Variants in P2RX4 observed in about 807,000 individuals in gnomAD.
P2RX4 encodes purinergic receptor P2X 4, also known as P2X purinoceptor 4.
P2RX4 carries 37 observed loss-of-function variants against 48.0 expected under a neutral mutation model. That is an observed-to-expected ratio of 0.77 (90% CI 0.59 to 1.01). P2RX4 has a LOEUF of 1.01. P2RX4 is among the 50% of genes least tolerant of loss of function. P2RX4 has a pLI of 0.00. For missense variants in P2RX4, 501 were observed against 521.4 expected, an observed-to-expected ratio of 0.96 and a Z score of 0.38; for synonymous variants, 200 against 199.7, an observed-to-expected ratio of 1.00 and a Z score of -0.01.
At chr12:121,212,814 A>ATTT (rs1187859501) in intron 1 of P2RX4, 1 of 31,472 alleles carries the variant, frequency 3.2e-5, no homozygotes, top group Non-Finnish European at 5.9e-5. Context: ...ATATATATAT[A>ATTT]TATATATATA....
chr12:121,233,461 C>T lies in P2RX4; in HGVS notation c.1141-62C>T, dbSNP rs1593230504. 13 of 1,559,414 alleles carry T rather than the reference C, an allele frequency of 8.3e-6. 1 individual carries two copies. In the South Asian group the frequency reaches 1.4e-4, roughly 17 times the overall value. ...GCGGTGAAGTCCCAGGAGCGCACCTCCCTCCCGCCTGCCACAAGGGGTCCC... is the reference window on the plus strand; with the variant it reads ...GCGGTGAAGTCCCAGGAGCGCACCTTCCTCCCGCCTGCCACAAGGGGTCCC... On this transcript the variant is annotated intron_variant, in intron 11 of 11. Transcript: ENST00000337233.
chr12:121,212,825 T>TATATATATATATATATA (rs1555234768), intron 1 of P2RX4: 8 of 31,140 alleles, frequency 2.6e-4, no homozygotes, highest in East Asian at 7.2e-4. Context: ...TATATATATA[T>TATATATATATATATATA]TTTTTTTTTT....
Position 121,232,626 on chromosome 12 carries a change from A to G in P2RX4, c.994A>G (p.Ile332Val), listed in dbSNP as rs756894942. 3.7e-6 allele frequency: 6 copies of G among 1,614,010 alleles called. No individual in the cohort carries two copies. The highest frequency in any genetic ancestry group is 1.3e-5 in the African/African-American group (1 of 75,024). Residue 332 changes from isoleucine to valine, a missense_variant, in exon 10 of 12, where the codon ATC becomes GTC. By Grantham distance (29) the Ile-to-Val change is conservative. This residue lies in a region of P2RX4 where 197 missense variants were observed against 219.5 expected (regional missense o/e 0.90). Transcript: ENST00000337233. The surrounding 1 kb of genome is among the most constrained non-coding windows in gnomAD (Gnocchi z 4.3). The part of the protein sequence containing the change: ...IVFGKAGKFD[I>V]IPTMINIGSG... ...GTCTTGGCAGGCAGGGAAATTTGAC[A>G]TCATCCCCACTATGATCAACATCGG...
intron 5 of P2RX4, among the ~76,000 whole-genome samples, chr12:121,226,440 G>A (rs1191068016): frequency 6.6e-6 from 1 of 151,874 alleles, no homozygotes; most frequent in African/African-American, 2.4e-5. Context: ...CTACTCAGGA[G>A]GCTGAGGCAC....
chr12:121,217,778 G>GA (rs1228580886), intron 2 of P2RX4, among the ~76,000 whole-genome samples: 30 of 126,154 alleles, frequency 2.4e-4, no homozygotes, highest in African/African-American at 4.4e-4. Context: ...AAAAAAAAAA[G>GA]AAAAAAAAAG....
intron 5 of P2RX4, 63 bp downstream of exon 5, chr12:121,223,106 C>A: frequency 1.9e-6 from 2 of 1,040,390 alleles, no homozygotes; most frequent in East Asian, 2.5e-5. Flanking sequence ...CACAGTTTCA[C>A]TCTGTATCCC....
chr12:121,211,784 C>T (rs950748799), intron 1 of P2RX4, among the ~76,000 whole-genome samples: 1 of 152,158 alleles, frequency 6.6e-6, no homozygotes, highest in Non-Finnish European at 1.5e-5. Context: ...AAGCGATTCT[C>T]CTGCCTCAGC....
chr12:121,222,166 G>A lies in P2RX4; in HGVS notation c.427G>A (p.Gly143Arg), dbSNP rs779293861. 1.3e-5 allele frequency: 21 copies of A among 1,609,194 alleles called. No homozygotes were observed. Among genetic ancestry groups the A allele is most frequent in the Admixed American group, 3.3e-5 (2 of 60,006 alleles). Residue 143 changes from glycine (G) to arginine (R), a missense_variant and splice_region_variant, in exon 4 of 12, where the codon GGA becomes AGA. Coordinates refer to ENST00000337233, the MANE Select transcript of P2RX4 (RefSeq NM_002560.3). Reference protein sequence around the residue: ...TAGSAGTHSNGVSTGRCVAFN... With the variant: ...TAGSAGTHSNRVSTGRCVAFN... ...CGGCTCTGCCGGCACCCACAGCAAC[G>A]GTACGAGCTTGTGGCCTCCTGGGGA...
At position 121,210,316 on chromosome 12, in the gene P2RX4, C is replaced by T. The variant is rs1885735228; in HGVS notation, c.134+18C>T. ...GTCATCGGGTGAGCGTGGGGCCGCG[C>T]GGGGGGCGCGGCGGGTGCTGCCCTC... On this transcript the variant is annotated intron_variant, in intron 1 of 11. Coordinates refer to ENST00000337233, the MANE Select transcript of P2RX4 (RefSeq NM_002560.3). The T allele has an allele frequency of 2.0e-6, 3 of 1,499,272 alleles. No individual in the cohort carries two copies. The highest frequency in any genetic ancestry group is 1.3e-5 in the South Asian group (1 of 78,720). The allele number at this position is 1,499,272 out of a possible 1,614,324, so 92.9% of individuals were successfully genotyped here.
chr12:121,230,990 T>TC (rs1566011701), intron 8 of P2RX4, among the ~76,000 whole-genome samples: 28 of 136,144 alleles, frequency 2.1e-4, no homozygotes, highest in East Asian at 9.9e-4. Context: ...ATATTTTTTT[T>TC]TTTTTCTTCT....
intron 1 of P2RX4, among the ~76,000 whole-genome samples, chr12:121,210,747 C>T (rs1303745720): frequency 2.6e-5 from 4 of 152,186 alleles, no homozygotes; most frequent in Admixed American, 1.3e-4. Flanking sequence ...CCACTTAACT[C>T]GAGCCTGGGA....
chr12:121,231,325 C>T (rs967493244), intron 8 of P2RX4, among the ~76,000 whole-genome samples: 2 of 152,220 alleles, frequency 1.3e-5, no homozygotes, highest in Admixed American at 6.5e-5. Flanking sequence ...ATGCAATTCA[C>T]ATGCCATACC....
chr12:121,217,320 C>A, intron 2 of P2RX4, 39 bp downstream of exon 2: 1 of 1,600,164 alleles, frequency 6.2e-7, no homozygotes, highest in Non-Finnish European at 8.6e-7. Context: ...ACACTGACAC[C>A]TTGCTCTTTA....
chr12:121,230,067 T>G (rs779573815), intron 8 of P2RX4, among the ~76,000 whole-genome samples: 1 of 152,130 alleles, frequency 6.6e-6, no homozygotes, highest in Non-Finnish European at 1.5e-5. Context: ...GCCAGGTAAA[T>G]TTCCACGTAC....
intron 1 of P2RX4, chr12:121,215,678 A>G (rs1886183732): frequency 6.6e-6 from 1 of 152,128 alleles, no homozygotes; most frequent in Non-Finnish European, 1.5e-5. Flanking sequence ...GCTTTTGTCC[A>G]TCTTGCTATA....
In P2RX4 at chr12:121,232,145, A is replaced by C. The variant is rs924587746; in HGVS notation, c.885-269A>C. Among the ~76,000 whole-genome samples the C allele has an allele frequency of 2.0e-5, 3 of 152,094 alleles. No individual in the cohort carries two copies. Among genetic ancestry groups the C allele is most frequent in the African/African-American group, 4.8e-5 (2 of 41,418 alleles). On this transcript the variant is annotated intron_variant, in intron 8 of 11. Transcript: ENST00000337233. The surrounding 1 kb of genome is among the most constrained non-coding windows in gnomAD (Gnocchi z 4.3). ...TTGAGGGAGGCAGGCAGGATGTACC[A>C]GGTGGGATGTTGAGAGCAAACTGTT...
At position 121,229,763 on chromosome 12, in the gene P2RX4, C is replaced by G. The variant is rs959963781; in HGVS notation, c.884+664C>G. Among the ~76,000 whole-genome samples the G allele has an allele frequency of 2.0e-5, 3 of 152,166 alleles. No individual in the cohort carries two copies. Among genetic ancestry groups the G allele is most frequent in the Admixed American group, 1.3e-4 (2 of 15,262 alleles). ...GAGAGTCCTTACTTGTCTCTCCTGG[C>G]TTCTGGTAGCCCACGGTGTTCCTTG... On this transcript the variant is annotated intron_variant, in intron 8 of 11. Transcript: ENST00000337233. This position sits in a 1 kb window ranked among gnomAD's most constrained non-coding sequence, Gnocchi z 4.6.
intron 8 of P2RX4, among the ~76,000 whole-genome samples, chr12:121,230,666 A>G (rs1887285119): frequency 3.3e-5 from 5 of 152,198 alleles, no homozygotes; most frequent in African/African-American, 9.7e-5. Context: ...CCTAAAACGG[A>G]AAGAACTCAG....
Position 121,229,828 on chromosome 12 carries a change from A to G in P2RX4, c.884+729A>G, listed in dbSNP as rs565672309. On this transcript the variant is annotated intron_variant, in intron 8 of 11. Transcript: ENST00000337233. This position sits in a 1 kb window ranked among gnomAD's most constrained non-coding sequence, Gnocchi z 4.6. Reference sequence around the variant, plus strand: ...CACTCCAGTCTCTGCCTCTCCTGTCATGAGGCCTTCTGCCTTGTATGTGTC... The same window carrying G: ...CACTCCAGTCTCTGCCTCTCCTGTCGTGAGGCCTTCTGCCTTGTATGTGTC... 1.1e-4 allele frequency among the ~76,000 whole-genome samples: 16 copies of G among 152,142 alleles called. No homozygotes were observed. The highest frequency in any genetic ancestry group is 1.6e-4 in the Non-Finnish European group (11 of 68,016).
Sources: gnomAD v4.1 joint callset for allele counts (sites outside exome capture counted in the v4.1 genomes callset) on GRCh38, gnomAD v4.1.1 for gene constraint, gnomAD v4.1.1 regional missense constraint, Gnocchi (gnomAD v3.1) non-coding constraint, MANE v1.5 for transcripts, NCBI Gene and HGNC (gene_info 2026-07-23, HGNC 2026-07-21) for gene names.